Variants in OTOG observed in about 807,000 individuals in gnomAD.
OTOG encodes otogelin.
In OTOG, 296 loss-of-function variants were observed where a neutral mutation model predicts 313.8. The observed-to-expected ratio is 0.94, with a 90% CI of 0.86 to 1.04. OTOG has a LOEUF of 1.04. OTOG is among the 50% of genes least tolerant of loss of function. The pLI is 0.00. For missense variants in OTOG, 3,948 were observed against 3,840.1 expected (o/e 1.03, Z -0.74); for synonymous variants, 1,533 against 1,554.9 (o/e 0.99, Z 0.33).
chr11:17,557,054 G>A (rs142926377), intron 7 of OTOG, 64 bp from the exon 8 acceptor site: 117 of 1,482,322 alleles, frequency 7.9e-5, no homozygotes, highest in African/African-American at 3.6e-4. Flanking sequence ...CTGTTCCTTC[G>A]GTGAAGAGAC....
intron 38 of OTOG, 110 bp downstream of exon 38, chr11:17,612,875 C>G: frequency 7.8e-7 from 1 of 1,287,522 alleles, no homozygotes; most frequent in Admixed American, 2.6e-5. Flanking sequence ...ATGTGGAAGC[C>G]CCCCTGAGCT....
At chr11:17,568,685 C>T (rs930788562) in intron 15 of OTOG, among the ~76,000 whole-genome samples, 9 of 152,142 alleles carry the variant, frequency 5.9e-5, no homozygotes, top group Non-Finnish European at 1.3e-4. Context: ...AGTGTGTGAC[C>T]ATTTGAGAGA....
chr11:17,578,622 T>A, intron 23 of OTOG, 96 bp downstream of exon 23: 1 of 1,403,870 alleles, frequency 7.1e-7, no homozygotes, highest in Non-Finnish European at 9.3e-7. Context: ...TCACATGGCC[T>A]TGTAGGAAGG....
At chr11:17,573,916 T>C (rs76203386) in intron 19 of OTOG, among the ~76,000 whole-genome samples, 5,262 of 152,336 alleles carry the variant, frequency 0.035, 314 homozygotes, top group African/African-American at 0.12. Context: ...CTCTCTGAGC[T>C]AGTTTCCCCA....
rs183298729 is a variant in OTOG at position 17,584,922 on chromosome 11, C to T, written c.2760-1552C>T. On this transcript the variant is annotated intron_variant, in intron 23 of 55. Coordinates refer to ENST00000399397, the MANE Select transcript of OTOG (RefSeq NM_001292063.2). ...TTGGTTGATTTTTAAAATCTTAAAC[C>T]AGTCTTACATTCCTGGGATAAACCC... Among the ~76,000 whole-genome samples, 731 of 152,246 alleles carry T rather than the reference C, an allele frequency of 4.8e-3. 7 individuals carry two copies. Among genetic ancestry groups the T allele is most frequent in the Admixed American group, 7.3e-3 (112 of 15,300 alleles).
At chr11:17,567,957 G>C (rs1274073970) in intron 15 of OTOG, among the ~76,000 whole-genome samples, 2 of 152,006 alleles carry the variant, frequency 1.3e-5, no homozygotes, top group Admixed American at 6.6e-5. Context: ...ACCCAGGCTG[G>C]AGTGCAGTGG....
chr11:17,561,833 G>A (rs1454591827), intron 15 of OTOG, 26 bp downstream of exon 15: 22 of 1,549,046 alleles, frequency 1.4e-5, no homozygotes, highest in Middle Eastern at 3.3e-4. Flanking sequence ...CCCCAGGCCC[G>A]ATCCACCCAG....
chr11:17,620,627 T>G (rs1293877846), intron 39 of OTOG, among the ~76,000 whole-genome samples: 1 of 152,208 alleles, frequency 6.6e-6, no homozygotes, highest in Non-Finnish European at 1.5e-5. Context: ...ATAATGTAGT[T>G]TTTTTCTACC....
rs544898195 is a variant in OTOG, at chr11:17,609,025, G to T, written c.4275-105G>T. On this transcript the variant is annotated intron_variant, in intron 34 of 55. Transcript: ENST00000399397. ...ACACGTAATAAGCACATGTGTGCAC[G>T]CACATGTGTCATAAGAAAGGATAAG... 111 of 848,650 alleles carry T rather than the reference G, an allele frequency of 1.3e-4. No individual in the cohort carries two copies. The Admixed American group carries it at 1.8e-3, about 13-fold the overall frequency. The allele number at this position is 848,650 out of a possible 1,614,324, so 52.6% of individuals were successfully genotyped here. A position where few individuals can be genotyped will look rare whatever the true frequency, so the allele number is the denominator to read the frequency against.
intron 24 of OTOG, among the ~76,000 whole-genome samples, chr11:17,586,962 TGTCAGTGA>T (rs1852808422): frequency 7.2e-6 from 1 of 139,308 alleles, no homozygotes; most frequent in African/African-American, 2.7e-5. Context: ...AATCTCAATA[TGTCAGTGA>T]ATATGTACAA....
intron 53 of OTOG, among the ~76,000 whole-genome samples, chr11:17,642,519 G>A (rs1450965260): frequency 6.6e-6 from 1 of 152,150 alleles, no homozygotes; most frequent in Admixed American, 6.5e-5. Context: ...CACCAACACA[G>A]GTCACCAGTC....
chr11:17,553,975 G>A (rs1234460376), intron 6 of OTOG, among the ~76,000 whole-genome samples: 1 of 152,208 alleles, frequency 6.6e-6, no homozygotes, highest in Non-Finnish European at 1.5e-5. Context: ...CGGAAGGATG[G>A]TGACCTGGGA....
At chr11:17,594,722 TG>T (rs1205491070) in intron 28 of OTOG, among the ~76,000 whole-genome samples, 1 of 152,144 alleles carries the variant, frequency 6.6e-6, no homozygotes, top group Non-Finnish European at 1.5e-5. Context: ...CTGTGAGCTG[TG>T]GGGGAAACAG....
rs367614431 is a variant in OTOG, at chr11:17,633,850, C to A, written c.7243C>A (p.Leu2415Ile). ...CATCTTACACCGGCGCCACTCTGCA[C>A]TCTGCATCCCGGAGGCCAAGTGCGG... ...GTILHRRHSALCIPEAKCACT... is the reference protein window; with the variant it reads ...GTILHRRHSAICIPEAKCACT... The change falls in exon 43 of 56, where the codon CTC (leucine) becomes ATC (isoleucine). Residue 2415 changes from leucine to isoleucine, a missense_variant. Leu to Ile is a conservative substitution (Grantham distance 5, BLOSUM62 2). Transcript: ENST00000399397. 6 of 1,543,848 alleles carry A rather than the reference C, an allele frequency of 3.9e-6. No homozygotes were observed. The highest frequency in any genetic ancestry group is 4.4e-6 in the Non-Finnish European group (5 of 1,144,008).
chr11:17,596,253 C>A, intron 29 of OTOG, 99 bp downstream of exon 29: 1 of 875,128 alleles, frequency 1.1e-6, no homozygotes, highest in Non-Finnish European at 1.8e-6. Context: ...GGAGACAGCT[C>A]AGATCTCCAG....
chr11:17,554,823 A>G (rs1054558369), intron 6 of OTOG, among the ~76,000 whole-genome samples: 1 of 152,264 alleles, frequency 6.6e-6, no homozygotes, highest in Non-Finnish European at 1.5e-5. Context: ...GGGTTACAAA[A>G]TCAACTTAAC....
At position 17,631,732 on chromosome 11, in the gene OTOG, T is replaced by C; in HGVS notation, c.6743T>C (p.Leu2248Pro). 6.4e-7 allele frequency: 1 copy of C among 1,550,606 alleles called. No homozygotes were observed. The highest frequency in any genetic ancestry group is 8.7e-7 in the Non-Finnish European group (1 of 1,146,994). ...TGTGATGGAGATGCAGCCAATGACC[T>C]TACCCTGAAGGATGGCTCAGTGGTG... ...GICDGDAAND[L>P]TLKDGSVVGG... is the part of the protein sequence containing the mutation. The change falls in exon 41 of 56, where the codon CTT becomes CCT. Residue 2248 changes from leucine (L) to proline (P), a missense_variant. Leu to Pro is a moderately conservative substitution (Grantham distance 98). Coordinates refer to ENST00000399397, the MANE Select transcript of OTOG (RefSeq NM_001292063.2).
intron 6 of OTOG, among the ~76,000 whole-genome samples, chr11:17,555,218 T>A (rs1852029760): frequency 6.6e-6 from 1 of 151,616 alleles, no homozygotes; most frequent in African/African-American, 2.4e-5. Flanking sequence ...TGTGTGTGTG[T>A]GTGTGTGTGT....
Position 17,645,618 on chromosome 11 carries a change from A to T in OTOG, c.8516A>T (p.Lys2839Met), listed in dbSNP as rs1177996567. Residue 2839 changes from lysine to methionine, a missense_variant, in exon 55 of 56, where the codon AAG (lysine) becomes ATG (methionine). Coordinates refer to ENST00000399397, the MANE Select transcript of OTOG (RefSeq NM_001292063.2). ...KKVTIRMTIRKNECRSSTPVN... is the reference protein window; with the variant it reads ...KKVTIRMTIRMNECRSSTPVN... ...GTGACCATCCGCATGACCATCCGCA[A>T]GAATGAATGCAGGAGCAGCACCCCT... is the stretch of plus-strand genomic sequence containing the variant. 13 of 1,550,686 alleles carry T rather than the reference A, an allele frequency of 8.4e-6. No homozygotes were observed. The highest frequency in any genetic ancestry group is 1.1e-5 in the Non-Finnish European group (13 of 1,146,996).
Sources: allele counts gnomAD v4.1 joint callset (sites outside exome capture counted in the v4.1 genomes callset), GRCh38; gene constraint gnomAD v4.1.1; transcripts MANE v1.5; gene names NCBI Gene and HGNC (gene_info 2026-07-23, HGNC 2026-07-21).